TENM3: variants seen among roughly 807,000 people sequenced by gnomAD.
TENM3 encodes the protein teneurin-3.
Under a neutral mutation model 255.1 loss-of-function variants are expected in TENM3, and 63 were observed. The observed-to-expected ratio is 0.25, with a 90% CI of 0.20 to 0.30. The LOEUF (loss-of-function observed/expected upper bound fraction) is 0.30. Among genes scored for constraint, TENM3 ranks in the 10% least tolerant of loss-of-function variants. The pLI, the probability that TENM3 is intolerant of heterozygous loss-of-function variation, is 1.00. For synonymous variants in TENM3, 1,306 were observed against 1,322.3 expected (o/e 0.99, Z 0.27); for missense variants, 2,929 against 3,461.1 (o/e 0.85, Z 3.86).
At chr4:181,897,875 C>A in the TENM3 span, among the ~76,000 whole-genome samples, 1 of 152,120 alleles carries the variant, frequency 6.6e-6, no homozygotes. Context: ...TTATTTTAAA[C>A]TTATATGGTT....
rs562140582 is a variant in TENM3 at position 182,364,952 on chromosome 4, A to C, written c.511+18023A>C. Among the ~76,000 whole-genome samples, 69 of 152,334 alleles carry C rather than the reference A, an allele frequency of 4.5e-4. No individual in the cohort carries two copies. In the South Asian group the frequency reaches 0.014, roughly 31 times the overall value. ...TTCTTGGAAGTGGAATTTCAGAGCC[A>C]AAGGGCTATACAACCTAAGGCTTTT... On this transcript the variant is annotated intron_variant, in intron 3 of 27. Transcript: ENST00000511685.
chr4:182,100,036 C>G, the TENM3 span, among the ~76,000 whole-genome samples: 4 of 152,034 alleles, frequency 2.6e-5, no homozygotes, highest in African/African-American at 7.2e-5. Flanking sequence ...TCATGTAAAT[C>G]AACTGCAGGT....
At chr4:181,932,036 A>G in the TENM3 span, among the ~76,000 whole-genome samples, 6 of 152,216 alleles carry the variant, frequency 3.9e-5, no homozygotes, top group Non-Finnish European at 8.8e-5. Flanking sequence ...TTAAAGACTT[A>G]AACATAAAAC....
At chr4:182,014,416 G>C in the TENM3 span, among the ~76,000 whole-genome samples, 1 of 151,896 alleles carries the variant, frequency 6.6e-6, no homozygotes, top group South Asian at 2.1e-4. Flanking sequence ...CCACGCCATA[G>C]CCATCTCAGT....
At chr4:181,960,218 T>C in the TENM3 span, among the ~76,000 whole-genome samples, 1 of 152,226 alleles carries the variant, frequency 6.6e-6, no homozygotes, top group East Asian at 1.9e-4. Flanking sequence ...AGCTATTCTT[T>C]TAGAAAATGT....
chr4:181,863,108 C>T, the TENM3 span, among the ~76,000 whole-genome samples: 1 of 152,050 alleles, frequency 6.6e-6, no homozygotes, highest in African/African-American at 2.4e-5. Flanking sequence ...ATAAGTGCTA[C>T]CTTAACCCTA....
the TENM3 span, among the ~76,000 whole-genome samples, chr4:182,052,049 G>A: frequency 6.6e-6 from 1 of 151,980 alleles, no homozygotes; most frequent in Admixed American, 6.6e-5. Context: ...AGCAGGTAGG[G>A]GATGCTATTA....
intron 1 of TENM3, among the ~76,000 whole-genome samples, chr4:182,180,846 TC>T: frequency 6.6e-6 from 1 of 151,984 alleles, no homozygotes; most frequent in African/African-American, 2.4e-5. Flanking sequence ...AACTTTAATT[TC>T]TTTCATTAAA....
At chr4:181,911,204 G>T in the TENM3 span, among the ~76,000 whole-genome samples, 7 of 152,156 alleles carry the variant, frequency 4.6e-5, no homozygotes, top group Admixed American at 4.6e-4. Context: ...AAACCTGCCT[G>T]CATTCTTCAT....
intron 2 of TENM3, among the ~76,000 whole-genome samples, chr4:182,335,931 G>T (rs34900572): frequency 0.24 from 37,012 of 151,956 alleles, 4,581 homozygotes; most frequent in East Asian, 0.37. Context: ...GAGAATCGAT[G>T]TTCCTATTAG....
chr4:181,861,746 T>C, the TENM3 span, among the ~76,000 whole-genome samples: 1 of 152,200 alleles, frequency 6.6e-6, no homozygotes, highest in South Asian at 2.1e-4. Context: ...ATATATTTTG[T>C]ACCATGAAAA....
chr4:182,709,085 C>T (rs1758541870), intron 12 of TENM3, among the ~76,000 whole-genome samples: 1 of 151,966 alleles, frequency 6.6e-6, no homozygotes, highest in African/African-American at 2.4e-5. Flanking sequence ...CAGGTTCAAG[C>T]AATTCTCCTG....
the TENM3 span, among the ~76,000 whole-genome samples, chr4:181,855,773 C>T: frequency 6.7e-6 from 1 of 149,166 alleles, no homozygotes; most frequent in East Asian, 2.0e-4. Context: ...ATATCAAGTG[C>T]TATGAAGAAA....
At chr4:182,494,303 AC>A (rs1205841264) in intron 3 of TENM3, among the ~76,000 whole-genome samples, 1 of 152,132 alleles carries the variant, frequency 6.6e-6, no homozygotes, top group Non-Finnish European at 1.5e-5. Context: ...AGTTTCAGTT[AC>A]CCATGGTAAA....
At chr4:182,204,075 A>G (rs1302853581) in intron 1 of TENM3, among the ~76,000 whole-genome samples, 2 of 152,312 alleles carry the variant, frequency 1.3e-5, no homozygotes, top group East Asian at 3.9e-4. Flanking sequence ...ATGAAGGGGG[A>G]AATCAACAGG....
chr4:182,370,758 A>T (rs570430537), intron 3 of TENM3, among the ~76,000 whole-genome samples: 1 of 152,210 alleles, frequency 6.6e-6, no homozygotes, highest in Non-Finnish European at 1.5e-5. Context: ...GAGAATATTC[A>T]TGCGATTATC....
chr4:181,869,639 T>G, the TENM3 span, among the ~76,000 whole-genome samples: 1 of 152,076 alleles, frequency 6.6e-6, no homozygotes, highest in African/African-American at 2.4e-5. Flanking sequence ...CCACAAAAAT[T>G]AAAAATTTAA....
intron 1 of TENM3, among the ~76,000 whole-genome samples, chr4:182,168,150 T>C (rs1290064665): frequency 6.6e-6 from 1 of 152,004 alleles, no homozygotes; most frequent in Non-Finnish European, 1.5e-5. Context: ...TTTTTTTTTT[T>C]TCGAGACAGG....
At chr4:181,585,030 T>C in the TENM3 span, among the ~76,000 whole-genome samples, 1 of 151,104 alleles carries the variant, frequency 6.6e-6, no homozygotes, top group Non-Finnish European at 1.5e-5. Context: ...ATCCTCCTTT[T>C]TTCAATCATC....
Sources: gnomAD v4.1 joint callset for allele counts (sites outside exome capture counted in the v4.1 genomes callset) on GRCh38, gnomAD v4.1.1 for gene constraint, MANE v1.5 for transcripts, NCBI Gene and HGNC (gene_info 2026-07-23, HGNC 2026-07-21) for gene names.